ZBTB20: variants seen among roughly 807,000 people sequenced by gnomAD.
ZBTB20 encodes zinc finger and BTB domain-containing protein 20.
ZBTB20 carries 9 observed loss-of-function variants against 56.9 expected under a neutral mutation model. That is an observed-to-expected ratio of 0.16 (90% CI 0.10 to 0.28). The LOEUF (loss-of-function observed/expected upper bound fraction) is 0.28, where lower values mean the gene tolerates loss of function less well. Ranked by LOEUF, ZBTB20 falls within the 10% of genes least tolerant of loss-of-function variation. ZBTB20 has a pLI of 1.00. For missense variants in ZBTB20, 655 were observed against 1,003.0 expected (o/e 0.65, Z 4.69); for synonymous variants, 417 against 420.7 (o/e 0.99, Z 0.11).
chr3:115,057,372 T>C (rs143821489), intron 2 of ZBTB20, among the ~76,000 whole-genome samples: 1 of 152,190 alleles, frequency 6.6e-6, no homozygotes, highest in East Asian at 1.9e-4. Flanking sequence ...ATGATTATTG[T>C]AGGGTTTACA....
chr3:115,025,178 A>G (rs1328379655), intron 2 of ZBTB20, among the ~76,000 whole-genome samples: 1 of 151,348 alleles, frequency 6.6e-6, no homozygotes, highest in Non-Finnish European at 1.5e-5. Context: ...TCCCACTTAT[A>G]AATGAGAACA....
intron 7 of ZBTB20, among the ~76,000 whole-genome samples, chr3:114,477,985 CT>C (rs2041054092): frequency 1.2e-5 from 1 of 85,456 alleles, no homozygotes; most frequent in African/African-American, 4.4e-5. Context: ...CTCTCTCTTT[CT>C]TTCTTTTTTT....
chr3:114,886,842 T>A (rs2076619775), intron 4 of ZBTB20, among the ~76,000 whole-genome samples: 1 of 152,186 alleles, frequency 6.6e-6, no homozygotes, highest in Non-Finnish European at 1.5e-5. Context: ...CTTTGTCAAA[T>A]ACCGAGGGGA....
intron 6 of ZBTB20, among the ~76,000 whole-genome samples, chr3:114,522,069 G>A (rs72952560): frequency 0.01 from 1,580 of 152,188 alleles, 29 homozygotes; most frequent in African/African-American, 0.036. Context: ...CAATCATGGG[G>A]CTTATATTCC....
chr3:114,930,094 AAACAAACAAACAAACAAAC>A (rs532862653), intron 3 of ZBTB20, among the ~76,000 whole-genome samples: 101 of 152,036 alleles, frequency 6.6e-4, no homozygotes, highest in Non-Finnish European at 1.3e-3. Flanking sequence ...CCTTCCATTT[AAACAAACAAACAAACAAAC>A]AACAAACAAA....
chr3:114,655,165 C>A (rs1018644347), intron 6 of ZBTB20, among the ~76,000 whole-genome samples: 2 of 150,470 alleles, frequency 1.3e-5, no homozygotes, highest in African/African-American at 2.5e-5. Context: ...AAGTTTAGGT[C>A]TACCATTTAT....
intron 6 of ZBTB20, among the ~76,000 whole-genome samples, chr3:114,549,752 CTTT>C (rs941074719): frequency 7.8e-5 from 10 of 128,922 alleles, no homozygotes; most frequent in Non-Finnish European, 1.2e-4. Context: ...TGACCTTTTT[CTTT>C]TTTTTTTTTT....
chr3:114,795,140 A>G (rs1452044470), intron 5 of ZBTB20, among the ~76,000 whole-genome samples: 3 of 152,064 alleles, frequency 2.0e-5, no homozygotes, highest in African/African-American at 7.2e-5. Flanking sequence ...GCAAGTGAGA[A>G]ATATGTTTTG....
chr3:114,327,248 A>C lies in ZBTB20; in HGVS notation c.*11757T>G, dbSNP rs1055957341. The C allele has an allele frequency of 2.0e-5, 3 of 152,140 alleles. No individual in the cohort carries two copies. Among genetic ancestry groups the C allele is most frequent in the African/African-American group, 4.8e-5 (2 of 41,418 alleles). The allele number at this position is 152,140 out of a possible 1,614,324, so 9.4% of individuals were successfully genotyped here. A position where few individuals can be genotyped will look rare whatever the true frequency, so the allele number is the denominator to read the frequency against. On this transcript the variant is annotated 3_prime_UTR_variant, in exon 12 of 12. Coordinates refer to ENST00000675478, the MANE Select transcript of ZBTB20 (RefSeq NM_001348800.3). ...AGAAATTCTGGGTCTTGGGGTTGGAATACTTCTTGGGGAACTAGAAAGAAC... is the reference window on the plus strand; with the variant it reads ...AGAAATTCTGGGTCTTGGGGTTGGACTACTTCTTGGGGAACTAGAAAGAAC...
chr3:114,988,708 G>T (rs1443336636), intron 2 of ZBTB20, among the ~76,000 whole-genome samples: 1 of 152,112 alleles, frequency 6.6e-6, no homozygotes, highest in African/African-American at 2.4e-5. Context: ...CTAGTTTACA[G>T]TCCCACCAAC....
At chr3:114,421,396 A>T (rs1450358179) in intron 7 of ZBTB20, among the ~76,000 whole-genome samples, 1 of 152,086 alleles carries the variant, frequency 6.6e-6, no homozygotes, top group Non-Finnish European at 1.5e-5. Context: ...TTATACCTAA[A>T]CTCTAATGGA....
At chr3:114,666,473 T>C (rs2061060651) in intron 6 of ZBTB20, among the ~76,000 whole-genome samples, 1 of 152,058 alleles carries the variant, frequency 6.6e-6, no homozygotes, top group Non-Finnish European at 1.5e-5. Flanking sequence ...TCTTTTTGTA[T>C]GCAGACAGAA....
chr3:114,809,540 T>C (rs944554739), intron 4 of ZBTB20, among the ~76,000 whole-genome samples: 1 of 152,152 alleles, frequency 6.6e-6, no homozygotes, highest in African/African-American at 2.4e-5. Context: ...TATGTTTATA[T>C]TGATACTCTC....
At chr3:114,423,941 T>C (rs2089420039) in intron 7 of ZBTB20, among the ~76,000 whole-genome samples, 1 of 152,232 alleles carries the variant, frequency 6.6e-6, no homozygotes, top group Non-Finnish European at 1.5e-5. Flanking sequence ...ACTACGGTCA[T>C]AGGGAACCAA....
chr3:114,885,325 C>G (rs910026187), intron 4 of ZBTB20, among the ~76,000 whole-genome samples: 1 of 152,202 alleles, frequency 6.6e-6, no homozygotes, highest in African/African-American at 2.4e-5. Context: ...TCACGTCATT[C>G]AAGTCTTATA....
intron 7 of ZBTB20, among the ~76,000 whole-genome samples, chr3:114,478,737 T>C (rs2041167900): frequency 6.6e-6 from 1 of 152,168 alleles, no homozygotes; most frequent in African/African-American, 2.4e-5. Context: ...AAGTCTGAAT[T>C]TGGAAAAACC....
At chr3:114,818,316 CTCTGAAAGTTT>C (rs1475068106) in intron 4 of ZBTB20, among the ~76,000 whole-genome samples, 3 of 151,960 alleles carry the variant, frequency 2.0e-5, no homozygotes, top group African/African-American at 7.2e-5. Flanking sequence ...ATTAAAAAAA[CTCTGAAAGTTT>C]TCTTAATAAG....
chr3:115,138,924 A>G lies in ZBTB20; in HGVS notation c.-703+8295T>C, dbSNP rs186065410. On this transcript the variant is annotated intron_variant, in intron 1 of 11. Transcript: ENST00000675478. Reference sequence around the variant, plus strand: ...TTAGAAGAGTTACAGTGATTCTTCAATATGTATACTGGGTTTCAGTTAACA... The same window carrying G: ...TTAGAAGAGTTACAGTGATTCTTCAGTATGTATACTGGGTTTCAGTTAACA... 2.6e-3 allele frequency among the ~76,000 whole-genome samples: 394 copies of G among 152,116 alleles called. 2 individuals are homozygous for G. Among genetic ancestry groups the G allele is most frequent in the African/African-American group, 9.3e-3 (384 of 41,504 alleles).
intron 6 of ZBTB20, among the ~76,000 whole-genome samples, chr3:114,521,182 G>A (rs1002808684): frequency 5.9e-5 from 9 of 152,234 alleles, no homozygotes; most frequent in Admixed American, 4.6e-4. Flanking sequence ...CAGGAAGGGT[G>A]AGATTACTAG....
Sources: gnomAD v4.1 joint callset for allele counts (sites outside exome capture counted in the v4.1 genomes callset) on GRCh38, gnomAD v4.1.1 for gene constraint, MANE v1.5 for transcripts, NCBI Gene and HGNC (gene_info 2026-07-23, HGNC 2026-07-21) for gene names.